COL18A1: variants seen among roughly 807,000 people sequenced by gnomAD.
COL18A1 encodes the protein collagen alpha-1(XVIII) chain.
In COL18A1, 133 loss-of-function variants were observed where a neutral mutation model predicts 168.0. That is an observed-to-expected ratio of 0.79 (90% CI 0.69 to 0.91). The LOEUF (loss-of-function observed/expected upper bound fraction) is 0.91, where lower values mean the gene tolerates loss of function less well. Ranked by LOEUF, COL18A1 falls within the 40% of genes least tolerant of loss-of-function variation. COL18A1 has a pLI of 0.00. For synonymous variants in COL18A1, 949 were observed against 809.0 expected (o/e 1.17, Z -2.94); for missense variants, 2,126 against 1,925.4 (o/e 1.10, Z -1.95).
chr21:45,500,327 G>A (rs111213120), intron 32 of COL18A1, among the ~76,000 whole-genome samples: 1 of 94,290 alleles, frequency 1.1e-5, no homozygotes, highest in East Asian at 3.3e-4. Flanking sequence ...GGGTGTGAGG[G>A]GTGTGGAGTG....
chr21:45,405,318 G>GGGGT (rs2033052000), intron 1 of COL18A1, 61 bp from the exon 2 acceptor site: 2 of 948,692 alleles, frequency 2.1e-6, no homozygotes, highest in Non-Finnish European at 2.7e-6. Flanking sequence ...GCGGGGCTCG[G>GGGGT]CCGGGTCCTG....
At chr21:45,408,089 C>T (rs1404958211) in intron 2 of COL18A1, 1 of 152,260 alleles carries the variant, frequency 6.6e-6, no homozygotes, top group Non-Finnish European at 1.5e-5. Context: ...TTTCAGGGCA[C>T]TCCTGTTTTC....
In COL18A1 at chr21:45,498,527, A is replaced by G. The variant is rs2146020282; in HGVS notation, c.2683+866A>G. The G allele has an allele frequency of 4.2e-6, 3 of 716,456 alleles. No homozygotes were observed. The highest frequency in any genetic ancestry group is 2.5e-4 in the Middle Eastern group (1 of 3,986). 44.4% of individuals were successfully genotyped at this position (716,456 alleles called of 1,614,324 possible). ...AGGGTCCTCTGCAGAGGAGGCCGCC[A>G]TACCTGCTCTTGCTGGGGCTGCACT... On this transcript the variant is annotated intron_variant, in intron 32 of 41. Coordinates refer to ENST00000651438, the MANE Select transcript of COL18A1 (RefSeq NM_001379500.1). The surrounding 1 kb of genome is among the most constrained non-coding windows in gnomAD (Gnocchi z 4.5).
chr21:45,439,683 G>A (rs538467216), intron 2 of COL18A1, among the ~76,000 whole-genome samples: 1 of 152,236 alleles, frequency 6.6e-6, no homozygotes, highest in Non-Finnish European at 1.5e-5. Flanking sequence ...TTCAGAGCGT[G>A]TTTTGCCCGG....
At chr21:45,458,970 G>A (rs115385667) in intron 2 of COL18A1, among the ~76,000 whole-genome samples, 3,741 of 152,290 alleles carry the variant, frequency 0.025, 167 homozygotes, top group African/African-American at 0.085. Context: ...ACTGCAGCTG[G>A]CCCGGTCGGT....
At chr21:45,437,255 CA>C (rs2034148308) in intron 2 of COL18A1, among the ~76,000 whole-genome samples, 1 of 109,340 alleles carries the variant, frequency 9.1e-6, no homozygotes, top group Non-Finnish European at 1.8e-5. Flanking sequence ...TACACACACA[CA>C]CTCACACACT....
chr21:45,501,695 G>C (rs931773310), intron 32 of COL18A1, among the ~76,000 whole-genome samples: 56 of 147,166 alleles, frequency 3.8e-4, no homozygotes, highest in East Asian at 6.0e-4. Context: ...ACCCCCAGGG[G>C]CTCCACAGCC....
chr21:45,496,553 T>A lies in COL18A1; in HGVS notation c.2562T>A (p.Pro854=). The A allele has an allele frequency of 6.6e-7, 1 of 1,505,704 alleles. No homozygotes were observed. The highest frequency in any genetic ancestry group is 9.2e-7 in the Non-Finnish European group (1 of 1,082,050). The allele number at this position is 1,505,704 out of a possible 1,614,324, so 93.3% of individuals were successfully genotyped here. ...GGCCCCCAGGCCCTCCAGGGACTCC[T>A]GTTTACGACAGCAATGTAAGTCCCC... is the stretch of plus-strand genomic sequence containing the variant. ...PPGPPGPPGT[P]VYDSNVFAES... The change falls in exon 30 of 42, where the codon CCT becomes CCA. Residue 854 remains proline, a synonymous_variant. Transcript: ENST00000651438.
intron 3 of COL18A1, among the ~76,000 whole-genome samples, chr21:45,472,256 C>T (rs1033783179): frequency 1.1e-4 from 17 of 151,344 alleles, no homozygotes; most frequent in Admixed American, 9.9e-4. Context: ...CGGAGTCTCG[C>T]TCTGTCGCCC....
chr21:45,454,790 C>G (rs1289889867), intron 2 of COL18A1, among the ~76,000 whole-genome samples: 2 of 152,230 alleles, frequency 1.3e-5, no homozygotes, highest in Non-Finnish European at 2.9e-5. Flanking sequence ...CCAGTCTAAC[C>G]GGATCCTTTT....
chr21:45,504,069 T>C lies in COL18A1; in HGVS notation c.2727+15T>C. The stretch of plus-strand genomic sequence containing the variant: ...CTGAAATGAAGGTGGGTGACCTCCC[T>C]GTGGGGTTGGGGGCCCCCAAGGTCC... On this transcript the variant is annotated intron_variant, in intron 33 of 41. Transcript: ENST00000651438. The C allele has an allele frequency of 6.2e-7, 1 of 1,613,408 alleles. No homozygotes were observed. Among genetic ancestry groups the C allele is most frequent in the Non-Finnish European group, 8.5e-7 (1 of 1,179,906 alleles).
chr21:45,495,048 G>T (rs1248322028), intron 28 of COL18A1, 133 bp downstream of exon 28: 1 of 817,036 alleles, frequency 1.2e-6, no homozygotes, highest in African/African-American at 1.7e-5. Context: ...CCAAGAACCG[G>T]CCCTGCCTGA....
chr21:45,480,352 T>A lies in COL18A1; in HGVS notation c.1399-115T>A, dbSNP rs540181931. On this transcript the variant is annotated intron_variant, in intron 11 of 41. Coordinates refer to ENST00000651438, the MANE Select transcript of COL18A1 (RefSeq NM_001379500.1). Reference sequence around the variant, plus strand: ...TCTGGGGGCAGCAGAGGGGCCGTGGTTTCTCAGCTCCTTGTAGAAACAGCT... The same window carrying A: ...TCTGGGGGCAGCAGAGGGGCCGTGGATTCTCAGCTCCTTGTAGAAACAGCT... 80 of 1,588,136 alleles carry A rather than the reference T, an allele frequency of 5.0e-5. No homozygotes were observed. The East Asian group carries it at 1.7e-3, about 34-fold the overall frequency.
chr21:45,502,581 A>AAGTT (rs1224181654), intron 32 of COL18A1: 2 of 152,222 alleles, frequency 1.3e-5, no homozygotes, highest in African/African-American at 4.8e-5. Flanking sequence ...CAAAAATCCA[A>AAGTT]AGTTAATTCT....
chr21:45,498,414 C>T lies in COL18A1; in HGVS notation c.2683+753C>T, dbSNP rs1210040406. 1 of 683,688 alleles carries T rather than the reference C, an allele frequency of 1.5e-6. No individual in the cohort carries two copies. Among genetic ancestry groups the T allele is most frequent in the Non-Finnish European group, 2.7e-6 (1 of 364,022 alleles). 42.4% of individuals were successfully genotyped at this position (683,688 alleles called of 1,614,324 possible). On this transcript the variant is annotated intron_variant, in intron 32 of 41. Transcript: ENST00000651438. This position sits in a 1 kb window ranked among gnomAD's most constrained non-coding sequence, Gnocchi z 4.5. Reference sequence around the variant, plus strand: ...GGGTCCCCTCTCGCCGCCAGGGTCCCCTCTCGCCGCCACGGTCCCCTCTCG... The same window carrying T: ...GGGTCCCCTCTCGCCGCCAGGGTCCTCTCTCGCCGCCACGGTCCCCTCTCG...
At chr21:45,449,350 A>G (rs8134314) in intron 2 of COL18A1, among the ~76,000 whole-genome samples, 30,774 of 151,588 alleles carry the variant, frequency 0.2, 4,069 homozygotes, top group African/African-American at 0.37. Context: ...GGCTCCCACC[A>G]CTCGTGATCA....
intron 3 of COL18A1, among the ~76,000 whole-genome samples, chr21:45,470,252 A>G (rs1355416371): frequency 6.6e-6 from 1 of 151,734 alleles, no homozygotes; most frequent in African/African-American, 2.4e-5. Flanking sequence ...TCACTTGTTT[A>G]TTGTCTGTTT....
chr21:45,458,961 C>T (rs955186559), intron 2 of COL18A1, among the ~76,000 whole-genome samples: 4 of 152,226 alleles, frequency 2.6e-5, no homozygotes, highest in Admixed American at 2.6e-4. Flanking sequence ...ATTTCTGCAA[C>T]TGCAGCTGGC....
At chr21:45,496,440 C>T (rs1419282586) in intron 29 of COL18A1, 60 bp from the exon 30 acceptor site, 2 of 813,894 alleles carry the variant, frequency 2.5e-6, no homozygotes, top group East Asian at 2.4e-5. Context: ...ACTGTCTCTG[C>T]TCCCAGCTGC....
Sources: gnomAD v4.1 joint callset for allele counts (sites outside exome capture counted in the v4.1 genomes callset) on GRCh38, gnomAD v4.1.1 for gene constraint, Gnocchi (gnomAD v3.1) non-coding constraint, MANE v1.5 for transcripts, NCBI Gene and HGNC (gene_info 2026-07-23, HGNC 2026-07-21) for gene names.